The following CASP5 variants were observed in gnomAD, a reference collection of about 807,000 sequenced individuals.
The protein encoded by CASP5 is caspase-5.
In CASP5, 42 loss-of-function variants were observed where a neutral mutation model predicts 45.2. The observed-to-expected ratio is 0.93, with a 90% CI of 0.73 to 1.20. CASP5 has a LOEUF of 1.20. Among genes scored for constraint, CASP5 ranks in the 50% most tolerant of loss-of-function variants. The pLI is 0.00. For synonymous variants in CASP5, 209 were observed against 186.2 expected, an observed-to-expected ratio of 1.12 and a Z score of -1.00; for missense variants, 512 against 532.2, an observed-to-expected ratio of 0.96 and a Z score of 0.37.
At chr11:105,003,459 G>A in intron 3 of CASP5, 76 bp from the exon 4 acceptor site, 4 of 723,616 alleles carry the variant, frequency 5.5e-6, no homozygotes, top group Non-Finnish European at 9.3e-6. Flanking sequence ...CTTTGAGAGA[G>A]AGAGAGAGAG....
rs1199603594 is a variant in CASP5 at position 105,009,758 on chromosome 11, T to TAC, written c.8-780_8-779dup. 4.9e-3 allele frequency among the ~76,000 whole-genome samples: 441 copies of TAC among 90,202 alleles called. 6 individuals carry two copies. The highest frequency in any genetic ancestry group is 0.016 in the African/African-American group (362 of 23,056). The allele number at this position is 90,202 out of a possible 152,430, so 59.2% of individuals were successfully genotyped here. A position where few individuals can be genotyped will look rare whatever the true frequency, so the allele number is the denominator to read the frequency against. ...ATATATATATATATATATATATATA[T>TAC]ACACACACACACGTATATATATATA... On this transcript the variant is annotated intron_variant, in intron 1 of 9. Transcript: ENST00000260315.
intron 1 of CASP5, among the ~76,000 whole-genome samples, chr11:105,009,751 ATATATATACACACACACACG>A (rs1433238102): frequency 2.8e-4 from 25 of 90,802 alleles, no homozygotes; most frequent in Non-Finnish European, 4.3e-4. Flanking sequence ...ATATATATAT[ATATATATACACACACACACG>A]TATATATATA....
rs775349406 is a variant in CASP5 at position 105,007,071 on chromosome 11, A to T, written c.433+12T>A. 1.0e-5 allele frequency: 16 copies of T among 1,604,954 alleles called. No homozygotes were observed. The highest frequency in any genetic ancestry group is 1.7e-4 in the Middle Eastern group (1 of 6,004). On this transcript the variant is annotated intron_variant, in intron 3 of 9. Transcript: ENST00000260315. The stretch of plus-strand genomic sequence containing the variant: ...AAATTTAACATATTTATCGTGTTAG[A>T]TGCAACCTTACGTTTTACACTGGTG...
chr11:105,015,078 C>T (rs1164640697), intron 1 of CASP5, among the ~76,000 whole-genome samples: 1 of 152,132 alleles, frequency 6.6e-6, no homozygotes, highest in East Asian at 1.9e-4. Flanking sequence ...AAGTGTGCAG[C>T]CAGGACTGAA....
At position 105,022,361 on chromosome 11, in the gene CASP5, T is replaced by C. The variant is rs533513198; in HGVS notation, c.7+769A>G. Among the ~76,000 whole-genome samples, 5 of 152,032 alleles carry C rather than the reference T, an allele frequency of 3.3e-5. No individual in the cohort carries two copies. In the South Asian group the frequency reaches 8.3e-4, roughly 25 times the overall value. On this transcript the variant is annotated intron_variant, in intron 1 of 9. Transcript: ENST00000260315. ...AAAAAAAGACTGCAGATTATTCATATATGTTATAAGGTTTAGAAAGCACTG... is the reference window on the plus strand; with the variant it reads ...AAAAAAAGACTGCAGATTATTCATACATGTTATAAGGTTTAGAAAGCACTG...
At chr11:105,020,511 C>A (rs1164955179) in intron 1 of CASP5, among the ~76,000 whole-genome samples, 1 of 146,886 alleles carries the variant, frequency 6.8e-6, no homozygotes, top group African/African-American at 2.5e-5. Flanking sequence ...TATACACCAA[C>A]AACAGACAAA....
intron 1 of CASP5, among the ~76,000 whole-genome samples, chr11:105,017,680 T>C (rs1862699881): frequency 1.3e-5 from 2 of 152,036 alleles, no homozygotes; most frequent in South Asian, 2.1e-4. Context: ...CTACGTCTGA[T>C]TGGTGTACCT....
intron 3 of CASP5, among the ~76,000 whole-genome samples, chr11:105,005,398 A>T (rs867374617): frequency 2.8e-4 from 38 of 136,862 alleles, no homozygotes; most frequent in Non-Finnish European, 5.7e-4. Context: ...GTGTGTGTGT[A>T]AACAGTTAAA....
intron 3 of CASP5, among the ~76,000 whole-genome samples, chr11:105,005,609 T>C (rs1019964070): frequency 3.3e-5 from 5 of 152,116 alleles, no homozygotes; most frequent in African/African-American, 1.2e-4. Flanking sequence ...AGAATACAAA[T>C]GCAGATAGAG....
Position 105,002,027 on chromosome 11 carries a change from C to T in CASP5, c.717+1G>A, listed in dbSNP as rs1366240749. The T allele has an allele frequency of 6.2e-7, 1 of 1,613,800 alleles. No homozygotes were observed. The highest frequency in any genetic ancestry group is 8.5e-7 in the Non-Finnish European group (1 of 1,179,860). ...GTGTGAGATGGCTTAGGGGTTCTTA[C>T]CCTGGCTGTGAGATTCTTTTCGTCA... On this transcript the variant is annotated splice_donor_variant, in intron 5 of 9. Coordinates refer to ENST00000260315, the MANE Select transcript of CASP5 (RefSeq NM_004347.5). LOFTEE classifies it high-confidence loss of function.
chr11:105,010,048 A>T (rs189299702), intron 1 of CASP5, among the ~76,000 whole-genome samples: 2 of 150,738 alleles, frequency 1.3e-5, no homozygotes, highest in Admixed American at 1.3e-4. Context: ...TGTTAACTCT[A>T]TAAAGATCAT....
At position 105,017,830 on chromosome 11, in the gene CASP5, G is replaced by C. The variant is rs1448307886; in HGVS notation, c.7+5300C>G. ...ATGCCACAAAGATACTCCTCGAGAAGAGCAACTCCAAGACACATAATTGTC... is the reference window on the plus strand; with the variant it reads ...ATGCCACAAAGATACTCCTCGAGAACAGCAACTCCAAGACACATAATTGTC... On this transcript the variant is annotated intron_variant, in intron 1 of 9. Transcript: ENST00000260315. Among the ~76,000 whole-genome samples, 51 of 151,902 alleles carry C rather than the reference G, an allele frequency of 3.4e-4. 1 individual carries two copies. Among genetic ancestry groups the C allele is most frequent in the Admixed American group, 2.7e-3 (41 of 15,254 alleles).
intron 1 of CASP5, among the ~76,000 whole-genome samples, chr11:105,018,874 A>T (rs1862782807): frequency 6.7e-6 from 1 of 148,644 alleles, no homozygotes; most frequent in Non-Finnish European, 1.5e-5. Flanking sequence ...ACCACACCAC[A>T]CCTATTCCAA....
chr11:105,003,477 A>G (rs1861851920), intron 3 of CASP5, 94 bp from the exon 4 acceptor site: 2 of 680,550 alleles, frequency 2.9e-6, no homozygotes. Flanking sequence ...GAGAAATCCT[A>G]GGAAAAAGAC....
rs775692401 is a variant in CASP5 at position 105,000,390 on chromosome 11, C to T, written c.823G>A (p.Gly275Arg). The change falls in exon 6 of 10, where the codon GGA (glycine) becomes AGA (arginine). Residue 275 changes from glycine (G) to arginine (R), a missense_variant. Coordinates refer to ENST00000260315, the MANE Select transcript of CASP5 (RefSeq NM_004347.5). ...MSHGILEGIC[G>R]TAHKKKKPDV... Reference sequence around the variant, plus strand: ...GGTTTTTTCTTTTTATGCGCAGTTCCGCAGATTCCCTCTAGGATGCCATGA... The same window carrying T: ...GGTTTTTTCTTTTTATGCGCAGTTCTGCAGATTCCCTCTAGGATGCCATGA... 22 of 1,614,020 alleles carry T rather than the reference C, an allele frequency of 1.4e-5. No individual in the cohort carries two copies. The highest frequency in any genetic ancestry group is 2.2e-5 in the East Asian group (1 of 44,898).
intron 5 of CASP5, 107 bp from the exon 6 acceptor site, chr11:105,000,602 G>A: frequency 3.0e-6 from 3 of 996,218 alleles, no homozygotes; most frequent in Non-Finnish European, 4.5e-6. Flanking sequence ...TCCGGGTCGT[G>A]GTGCTTCACA....
At chr11:105,019,172 T>C (rs1207691513) in intron 1 of CASP5, among the ~76,000 whole-genome samples, 2 of 150,454 alleles carry the variant, frequency 1.3e-5, no homozygotes, top group African/African-American at 2.4e-5. Flanking sequence ...AGAGGGAAAT[T>C]TATAGCACTA....
chr11:105,016,776 A>G (rs560066933), intron 1 of CASP5, among the ~76,000 whole-genome samples: 236 of 148,236 alleles, frequency 1.6e-3, no homozygotes, highest in Non-Finnish European at 2.1e-3. Flanking sequence ...CAAAGCAGCC[A>G]GGAAGCTCGA....
rs1215595284 is a variant in CASP5, at chr11:105,008,890, T to C, written c.98A>G (p.His33Arg). 4.3e-6 allele frequency: 7 copies of C among 1,613,204 alleles called. No homozygotes were observed. In the South Asian group the frequency reaches 5.5e-5, roughly 13 times the overall value. ...QSGLDNFVINHMLKNNVAGQT... is the reference protein window; with the variant it reads ...QSGLDNFVINRMLKNNVAGQT... Reference sequence around the variant, plus strand: ...TCCAGCCACGTTGTTCTTTAGCATGTGGTTTATCACGAAGTTATCCAATCC... The same window carrying C: ...TCCAGCCACGTTGTTCTTTAGCATGCGGTTTATCACGAAGTTATCCAATCC... Residue 33 changes from histidine to arginine, a missense_variant, in exon 2 of 10, where the codon CAC becomes CGC. His to Arg is a conservative substitution (Grantham distance 29). Coordinates refer to ENST00000260315, the MANE Select transcript of CASP5 (RefSeq NM_004347.5).
Sources: gnomAD v4.1 joint callset for allele counts (sites outside exome capture counted in the v4.1 genomes callset) on GRCh38, gnomAD v4.1.1 for gene constraint, MANE v1.5 for transcripts, NCBI Gene and HGNC (gene_info 2026-07-23, HGNC 2026-07-21) for gene names.